The following TMEM44 variants were observed in gnomAD, a reference collection of about 807,000 sequenced individuals.
TMEM44 encodes the protein transmembrane protein 44.
In TMEM44, 43 loss-of-function variants were observed where a neutral mutation model predicts 47.8. That is an observed-to-expected ratio of 0.90 (90% CI 0.70 to 1.16). The LOEUF (loss-of-function observed/expected upper bound fraction) is 1.16, where lower values mean the gene tolerates loss of function less well. TMEM44 is among the 50% of genes most tolerant of loss of function. The pLI is 0.00. For synonymous variants in TMEM44, 277 were observed against 238.8 expected (o/e 1.16, Z -1.48); for missense variants, 568 against 555.2 (o/e 1.02, Z -0.23).
At chr3:194,616,907 CA>C (rs1158714091) in intron 6 of TMEM44, 191 bp downstream of exon 6, 11 of 679,458 alleles carry the variant, frequency 1.6e-5, no homozygotes, top group Non-Finnish European at 2.6e-5. Context: ...AACAAACAAA[CA>C]AAAAAAGGAA....
chr3:194,618,345 C>T (rs930142512), intron 5 of TMEM44, among the ~76,000 whole-genome samples: 3 of 151,554 alleles, frequency 2.0e-5, no homozygotes, highest in Admixed American at 1.3e-4. Flanking sequence ...CAGAAAGTCA[C>T]TATATATATG....
intron 3 of TMEM44, 83 bp from the exon 4 acceptor site, chr3:194,623,778 C>G: frequency 1.3e-6 from 2 of 1,559,698 alleles, no homozygotes; most frequent in Non-Finnish European, 1.7e-6. Context: ...GAACTGGTGT[C>G]AGCTCCCCAC....
chr3:194,613,870 C>T (rs1715596695), intron 7 of TMEM44, among the ~76,000 whole-genome samples: 1 of 151,610 alleles, frequency 6.6e-6, no homozygotes. Context: ...CACCTGTAAT[C>T]CCAGCACTTT....
At chr3:194,616,979 T>G (rs10933663) in intron 6 of TMEM44, 120 bp downstream of exon 6, 420,233 of 1,139,426 alleles carry the variant, frequency 0.37, 83,632 homozygotes, top group East Asian at 0.78. Context: ...ACCACTCCCT[T>G]ACTGCTGGGA....
intron 9 of TMEM44, among the ~76,000 whole-genome samples, chr3:194,592,536 C>T (rs1051945543): frequency 6.6e-6 from 1 of 152,158 alleles, no homozygotes; most frequent in African/African-American, 2.4e-5. Context: ...TTGGGCTTAC[C>T]TGAATACCCC....
At chr3:194,615,493 T>C in intron 7 of TMEM44, 76 bp downstream of exon 7, 1 of 1,562,204 alleles carries the variant, frequency 6.4e-7, no homozygotes, top group African/African-American at 1.4e-5. Context: ...CCGTCCGCAG[T>C]ATCCTGCTGT....
chr3:194,617,325 G>A, intron 5 of TMEM44, 56 bp from the exon 6 acceptor site: 1 of 1,459,256 alleles, frequency 6.9e-7, no homozygotes. Flanking sequence ...CAAGACCCAG[G>A]GCCCTCAGTG....
intron 8 of TMEM44, among the ~76,000 whole-genome samples, chr3:194,609,076 T>C (rs789856): frequency 0.86 from 130,923 of 152,088 alleles, 56,672 homozygotes; most frequent in South Asian, 0.92. Context: ...ATTTTGGGCT[T>C]GAACCACTGC....
At chr3:194,626,681 GTTT>G (rs61419904) in intron 2 of TMEM44, among the ~76,000 whole-genome samples, 6 of 133,114 alleles carry the variant, frequency 4.5e-5, no homozygotes, top group Admixed American at 8.0e-5. Context: ...ATGTAGTTAA[GTTT>G]TTTTTTTTTT....
In TMEM44 at chr3:194,595,904, C is replaced by T. The variant is rs1035752429; in HGVS notation, c.1177-7265G>A. Among the ~76,000 whole-genome samples, 7 of 152,078 alleles carry T rather than the reference C, an allele frequency of 4.6e-5. No individual in the cohort carries two copies. The East Asian group carries it at 9.7e-4, about 21-fold the overall frequency. On this transcript the variant is annotated intron_variant, in intron 9 of 9. Coordinates refer to ENST00000347147, the MANE Select transcript of TMEM44 (RefSeq NM_001011655.3). Reference sequence around the variant, plus strand: ...CCTCCCAAAGTGCTGGGATTACAAGCGTGAGCCACCGCACCCGGCTGATGG... The same window carrying T: ...CCTCCCAAAGTGCTGGGATTACAAGTGTGAGCCACCGCACCCGGCTGATGG...
intron 9 of TMEM44, chr3:194,593,030 A>C: frequency 6.2e-7 from 1 of 1,613,828 alleles, no homozygotes; most frequent in Non-Finnish European, 8.5e-7. Flanking sequence ...AAAGAGCATG[A>C]TCGTCCATAC....
intron 8 of TMEM44, 98 bp from the exon 9 acceptor site, chr3:194,604,543 A>G: frequency 7.1e-7 from 1 of 1,411,122 alleles, no homozygotes; most frequent in Non-Finnish European, 9.4e-7. Context: ...CAAAATGTAC[A>G]AAAGGGTGTG....
At chr3:194,594,625 A>G (rs2109151391) in intron 9 of TMEM44, among the ~76,000 whole-genome samples, 1 of 149,016 alleles carries the variant, frequency 6.7e-6, no homozygotes, top group Admixed American at 6.7e-5. Context: ...CATAAACTGA[A>G]AAAAAAAAAA....
chr3:194,611,954 G>A lies in TMEM44; in HGVS notation c.913-934C>T, dbSNP rs1348258058. On this transcript the variant is annotated intron_variant, in intron 7 of 9. Coordinates refer to ENST00000347147, the MANE Select transcript of TMEM44 (RefSeq NM_001011655.3). The surrounding 1 kb of genome is among the most constrained non-coding windows in gnomAD (Gnocchi z 4.2). ...GGAGAATCGCTTGAACCCAGGAGGC[G>A]GAGGTTGCAGCAAGCTGAGATCGTG... Among the ~76,000 whole-genome samples, 7 of 151,964 alleles carry A rather than the reference G, an allele frequency of 4.6e-5. No homozygotes were observed. The highest frequency in any genetic ancestry group is 1.2e-4 in the African/African-American group (5 of 41,352).
Position 194,615,604 on chromosome 3 carries a change from A to G in TMEM44, c.877T>C (p.Leu293=), listed in dbSNP as rs144775506. 3.7e-4 allele frequency: 593 copies of G among 1,614,186 alleles called. 6 individuals carry two copies. In the African/African-American group the frequency reaches 7.0e-3, roughly 19 times the overall value. Residue 293 remains leucine (L), a synonymous_variant, in exon 7 of 10, where the codon TTG becomes CTG. Transcript: ENST00000347147. ...TCTTCCTCTTTCTCTGCACAGGTCA[A>G]AAGGGCTTGGGTGTCAGGGCTCTCT... ...ARESPDTQAL[L]TCAEKEEENQ...
At chr3:194,617,534 T>C in intron 5 of TMEM44, 2 of 611,270 alleles carry the variant, frequency 3.3e-6, no homozygotes, top group East Asian at 5.7e-5. Context: ...AACTCCCTTT[T>C]CTGGGCCCTA....
intron 9 of TMEM44, chr3:194,588,997 T>C (rs768050687): frequency 4.0e-6 from 1 of 247,858 alleles, no homozygotes; most frequent in African/African-American, 2.3e-5. Context: ...CCAGGCAAAC[T>C]TAATCCTTTT....
intron 9 of TMEM44, among the ~76,000 whole-genome samples, chr3:194,601,213 G>A (rs865959368): frequency 7.3e-4 from 109 of 150,002 alleles, no homozygotes; most frequent in African/African-American, 2.2e-3. Context: ...GCGTGATCTC[G>A]GCTCACTGCA....
chr3:194,628,564 G>A (rs775250072), intron 1 of TMEM44, 55 bp from the exon 2 acceptor site: 155 of 1,533,628 alleles, frequency 1.0e-4, no homozygotes, highest in Middle Eastern at 1.7e-4. Flanking sequence ...GGACCCAAAC[G>A]CATGTATCTA....
Sources: gnomAD v4.1 joint callset for allele counts (sites outside exome capture counted in the v4.1 genomes callset) on GRCh38, gnomAD v4.1.1 for gene constraint, Gnocchi (gnomAD v3.1) non-coding constraint, MANE v1.5 for transcripts, NCBI Gene and HGNC (gene_info 2026-07-23, HGNC 2026-07-21) for gene names.